Variants in ABL2 observed in about 807,000 individuals in gnomAD.
ABL2 encodes ABL proto-oncogene 2, non-receptor tyrosine kinase, also known as tyrosine-protein kinase ABL2.
In ABL2, 49 loss-of-function variants were observed where a neutral mutation model predicts 107.7. That is an observed-to-expected ratio of 0.45 (90% confidence interval 0.36 to 0.58). The LOEUF is 0.58. ABL2 is among the 20% of genes least tolerant of loss of function. The pLI is 0.00. For synonymous variants in ABL2, 549 were observed against 548.6 expected (o/e 1.00, Z -0.01); for missense variants, 1,245 against 1,457.0 (o/e 0.85, Z 2.37).
chr1:179,135,264 G>A (rs983895836), intron 1 of ABL2, among the ~76,000 whole-genome samples: 7 of 150,944 alleles, frequency 4.6e-5, no homozygotes, highest in Admixed American at 2.0e-4. Flanking sequence ...TGCCCGGGCC[G>A]CCATCCCATC....
At chr1:179,176,758 C>A (rs1660074282) in intron 1 of ABL2, among the ~76,000 whole-genome samples, 1 of 130,996 alleles carries the variant, frequency 7.6e-6, no homozygotes, top group South Asian at 2.4e-4. Flanking sequence ...GGCAGAGGTG[C>A]CATCTTGGCT....
chr1:179,103,086 A>G lies in ABL2; in HGVS notation c.*4632T>C, dbSNP rs1479140908. The G allele has an allele frequency of 4.5e-6, 1 of 221,094 alleles. No individual in the cohort carries two copies. Among genetic ancestry groups the G allele is most frequent in the African/African-American group, 2.2e-5 (1 of 44,654 alleles). 13.7% of individuals were successfully genotyped at this position (221,094 alleles called of 1,614,324 possible). ...AAATGGAGAAGAGTAAGAGGACCTC[A>G]TCCTTCTTGAGTCAAGGTCCTTGGA... On this transcript the variant is annotated 3_prime_UTR_variant, in exon 12 of 12. Transcript: ENST00000502732.
At chr1:179,147,208 A>AAAAAAAAC (rs1658057251) in intron 1 of ABL2, among the ~76,000 whole-genome samples, 1 of 148,144 alleles carries the variant, frequency 6.8e-6, no homozygotes. Context: ...AAAAAAAAAA[A>AAAAAAAAC]CCAACTGATG....
rs1013419609 is a variant in ABL2 at position 179,105,599 on chromosome 1, C to A, written c.*2119G>T. The A allele has an allele frequency of 4.4e-6, 1 of 228,738 alleles. No homozygotes were observed. Among genetic ancestry groups the A allele is most frequent in the East Asian group, 6.2e-5 (1 of 16,052 alleles). The allele number at this position is 228,738 out of a possible 1,614,324, so 14.2% of individuals were successfully genotyped here. On this transcript the variant is annotated 3_prime_UTR_variant, in exon 12 of 12. Transcript: ENST00000502732. ...TGAACCCAATCACTAGCTGCCTGTG[C>A]TGCAACTGCAGGTGACATACTGCGG... is the stretch of plus-strand genomic sequence containing the variant.
intron 1 of ABL2, among the ~76,000 whole-genome samples, chr1:179,190,113 A>G (rs1339741461): frequency 6.6e-6 from 1 of 152,112 alleles, no homozygotes; most frequent in Admixed American, 6.6e-5. Context: ...CACCGGGCCC[A>G]GCCTGGGTGT....
chr1:179,148,972 A>G (rs753302387), intron 1 of ABL2, among the ~76,000 whole-genome samples: 16 of 152,296 alleles, frequency 1.1e-4, no homozygotes, highest in Admixed American at 3.3e-4. Context: ...TTCAAGTGAA[A>G]GGAAGAGTTG....
At position 179,120,308 on chromosome 1, in the gene ABL2, G is replaced by A. The variant is rs374310829; in HGVS notation, c.961-34C>T. ...AGGGAAAGGTAAGAAAGAAGAAAAC[G>A]AGAGGGACAAACCCTCAACTTAAAA... is the stretch of plus-strand genomic sequence containing the variant. On this transcript the variant is annotated intron_variant, in intron 5 of 11. Transcript: ENST00000502732. 9.8e-4 allele frequency: 1,377 copies of A among 1,398,112 alleles called. 3 individuals carry two copies. Among genetic ancestry groups the A allele is most frequent in the Non-Finnish European group, 1.3e-3 (1,294 of 992,514 alleles). 86.6% of individuals were successfully genotyped at this position (1,398,112 alleles called of 1,614,324 possible). A position where few individuals can be genotyped will look rare whatever the true frequency, so the allele number is the denominator to read the frequency against.
chr1:179,101,359 G>T lies in ABL2; in HGVS notation c.*6359C>A. 2 of 188,316 alleles carry T rather than the reference G, an allele frequency of 1.1e-5. No homozygotes were observed. Among genetic ancestry groups the T allele is most frequent in the East Asian group, 8.3e-5 (1 of 12,110 alleles). The allele number at this position is 188,316 out of a possible 1,614,324, so 11.7% of individuals were successfully genotyped here. ...CTGTCCTTTGGATCTAGGATATTGA[G>T]TCAGAAATGAAGGTATCCTTTTTTT... On this transcript the variant is annotated 3_prime_UTR_variant, in exon 12 of 12. Transcript: ENST00000502732.
At chr1:179,128,728 C>T (rs1051752243) in intron 3 of ABL2, among the ~76,000 whole-genome samples, 39 of 152,200 alleles carry the variant, frequency 2.6e-4, no homozygotes, top group Non-Finnish European at 2.1e-4. Flanking sequence ...TCTGTCGCCA[C>T]GCGGCAGTGC....
At chr1:179,117,742 T>G (rs1483492531) in intron 7 of ABL2, among the ~76,000 whole-genome samples, 1 of 152,182 alleles carries the variant, frequency 6.6e-6, no homozygotes, top group Non-Finnish European at 1.5e-5. Flanking sequence ...GGGTCCCTAT[T>G]TATAAGTACA....
chr1:179,191,151 G>C (rs1660987067), intron 1 of ABL2, among the ~76,000 whole-genome samples: 1 of 152,098 alleles, frequency 6.6e-6, no homozygotes, highest in Non-Finnish European at 1.5e-5. Context: ...CCAGAATGAT[G>C]ACAGTAATGA....
At chr1:179,156,646 G>A (rs1361772080) in intron 1 of ABL2, among the ~76,000 whole-genome samples, 1 of 152,058 alleles carries the variant, frequency 6.6e-6, no homozygotes, top group Non-Finnish European at 1.5e-5. Context: ...AGGCCAAGAA[G>A]GATGGATCAC....
At chr1:179,194,963 A>T (rs1451892026) in intron 1 of ABL2, among the ~76,000 whole-genome samples, 2 of 152,184 alleles carry the variant, frequency 1.3e-5, no homozygotes, top group Non-Finnish European at 2.9e-5. Context: ...AATGCCCAAC[A>T]TCACTAATAA....
chr1:179,132,101 T>TA (rs954763792), intron 2 of ABL2, among the ~76,000 whole-genome samples: 19 of 152,234 alleles, frequency 1.2e-4, no homozygotes, highest in South Asian at 4.1e-4. Flanking sequence ...TTTTTCGTTT[T>TA]AAAAAAACAA....
intron 3 of ABL2, among the ~76,000 whole-genome samples, chr1:179,128,970 C>T (rs1273611218): frequency 1.3e-5 from 2 of 152,006 alleles, no homozygotes; most frequent in African/African-American, 4.8e-5. Flanking sequence ...CAGGGATGAG[C>T]CACTGCGCTT....
intron 1 of ABL2, among the ~76,000 whole-genome samples, chr1:179,202,315 A>C (rs1185741564): frequency 6.6e-6 from 1 of 152,188 alleles, no homozygotes. Flanking sequence ...TTTAAAAATC[A>C]CCACCTAAAA....
intron 1 of ABL2, among the ~76,000 whole-genome samples, chr1:179,164,824 T>C (rs925102443): frequency 1.3e-5 from 2 of 152,222 alleles, no homozygotes; most frequent in African/African-American, 4.8e-5. Context: ...AGTCTCACCT[T>C]GCTCTCATGA....
intron 1 of ABL2, among the ~76,000 whole-genome samples, chr1:179,190,616 G>GGGGGGTGA (rs1660951208): frequency 6.6e-6 from 1 of 152,060 alleles, no homozygotes; most frequent in Admixed American, 6.6e-5. Flanking sequence ...GTGGGATGGA[G>GGGGGGTGA]GGGGGTGAGG....
intron 1 of ABL2, among the ~76,000 whole-genome samples, chr1:179,193,800 C>T (rs911535515): frequency 1.3e-5 from 2 of 152,108 alleles, no homozygotes; most frequent in Non-Finnish European, 2.9e-5. Context: ...GGCGCGATCT[C>T]GGCTCACTGC....
Sources: allele counts gnomAD v4.1 joint callset (sites outside exome capture counted in the v4.1 genomes callset), GRCh38; gene constraint gnomAD v4.1.1; transcripts MANE v1.5; gene names NCBI Gene and HGNC (gene_info 2026-07-23, HGNC 2026-07-21).